Variants in MAGI2 observed in about 807,000 individuals in gnomAD.
The protein encoded by MAGI2 is membrane-associated guanylate kinase, WW and PDZ domain-containing protein 2.
Under a neutral mutation model 133.3 loss-of-function variants are expected in MAGI2, and 35 were observed. The ratio of observed to expected loss-of-function variants is 0.26; its 90% CI spans 0.20 to 0.35. The LOEUF (loss-of-function observed/expected upper bound fraction) is 0.35, where lower values mean the gene tolerates loss of function less well. Ranked by LOEUF, MAGI2 falls within the 10% of genes least tolerant of loss-of-function variation. The pLI is 1.00. For missense variants in MAGI2, 1,636 were observed against 1,863.4 expected (o/e 0.88, Z 2.25); for synonymous variants, 729 against 710.6 (o/e 1.03, Z -0.41).
intron 3 of MAGI2, among the ~76,000 whole-genome samples, chr7:78,544,236 G>A (rs1248146779): frequency 6.6e-6 from 1 of 152,224 alleles, no homozygotes; most frequent in Non-Finnish European, 1.5e-5. Context: ...GCTACAAAAT[G>A]AATTGGTGAT....
At chr7:78,850,992 T>G (rs1047824853) in intron 2 of MAGI2, among the ~76,000 whole-genome samples, 2 of 152,124 alleles carry the variant, frequency 1.3e-5, no homozygotes, top group African/African-American at 2.4e-5. Context: ...ATGTCTTTTT[T>G]GATTGTCTCA....
chr7:79,219,391 A>C (rs1830271646), intron 1 of MAGI2, among the ~76,000 whole-genome samples: 1 of 152,068 alleles, frequency 6.6e-6, no homozygotes. Flanking sequence ...GAGCTCATTT[A>C]AATGATCCCA....
At chr7:78,875,958 T>C (rs1795384521) in intron 2 of MAGI2, among the ~76,000 whole-genome samples, 1 of 152,160 alleles carries the variant, frequency 6.6e-6, no homozygotes, top group South Asian at 2.1e-4. Context: ...AGCTTGGTGA[T>C]GCATTAATAA....
intron 1 of MAGI2, among the ~76,000 whole-genome samples, chr7:79,007,915 A>T (rs938906701): frequency 6.6e-6 from 1 of 151,820 alleles, no homozygotes; most frequent in African/African-American, 2.4e-5. Context: ...TCCTTTTTTC[A>T]ATTCAAACAA....
chr7:78,511,039 T>C (rs1028219763), intron 4 of MAGI2, among the ~76,000 whole-genome samples: 2 of 152,174 alleles, frequency 1.3e-5, no homozygotes, highest in African/African-American at 2.4e-5. Context: ...AACCCAATAA[T>C]CCCATTAAAA....
intron 6 of MAGI2, among the ~76,000 whole-genome samples, chr7:78,459,068 G>T (rs543760208): frequency 6.6e-6 from 1 of 152,254 alleles, no homozygotes; most frequent in South Asian, 2.1e-4. Flanking sequence ...AAGTACATTT[G>T]CACTTTTTAA....
intron 1 of MAGI2, among the ~76,000 whole-genome samples, chr7:79,057,803 G>A (rs7809986): frequency 0.28 from 43,016 of 152,006 alleles, 8,336 homozygotes; most frequent in African/African-American, 0.56. Flanking sequence ...TAAAGTATGA[G>A]AAGGAGACAC....
intron 1 of MAGI2, among the ~76,000 whole-genome samples, chr7:79,116,570 C>A (rs2129544301): frequency 6.6e-6 from 1 of 152,254 alleles, no homozygotes; most frequent in African/African-American, 2.4e-5. Context: ...AGACTGTGCA[C>A]ACCTTCACCT....
intron 6 of MAGI2, among the ~76,000 whole-genome samples, chr7:78,380,051 A>G (rs1794780047): frequency 6.6e-6 from 1 of 151,940 alleles, no homozygotes; most frequent in African/African-American, 2.4e-5. Context: ...AAGAAATTTT[A>G]TAATATATAC....
intron 1 of MAGI2, among the ~76,000 whole-genome samples, chr7:79,288,589 T>C (rs1836212341): frequency 6.6e-6 from 1 of 152,130 alleles, no homozygotes; most frequent in African/African-American, 2.4e-5. Flanking sequence ...ATTCCTGGAA[T>C]CAGAATTGTA....
intron 6 of MAGI2, among the ~76,000 whole-genome samples, chr7:78,476,370 A>C: frequency 6.6e-6 from 1 of 151,998 alleles, no homozygotes; most frequent in East Asian, 1.9e-4. Context: ...AAAGTTGAAA[A>C]GATAATGCGG....
intron 2 of MAGI2, among the ~76,000 whole-genome samples, chr7:78,911,682 A>T (rs1433436077): frequency 5.0e-5 from 7 of 139,354 alleles, no homozygotes; most frequent in East Asian, 2.3e-4. Flanking sequence ...ATATATATAT[A>T]TTTTGTTATA....
intron 1 of MAGI2, among the ~76,000 whole-genome samples, chr7:79,027,479 G>T (rs552089030): frequency 6.6e-6 from 1 of 151,988 alleles, no homozygotes; most frequent in South Asian, 2.1e-4. Flanking sequence ...ACATGTTTTC[G>T]CTTGTATGTG....
intron 1 of MAGI2, among the ~76,000 whole-genome samples, chr7:79,308,493 T>C (rs1189623447): frequency 2.0e-5 from 3 of 152,182 alleles, no homozygotes; most frequent in Non-Finnish European, 4.4e-5. Flanking sequence ...AATACTAATT[T>C]GTCCAAGAAA....
chr7:79,188,160 G>A lies in MAGI2; in HGVS notation c.302-180954C>T, dbSNP rs555095723. Among the ~76,000 whole-genome samples the A allele has an allele frequency of 2.0e-5, 3 of 151,838 alleles. No homozygotes were observed. In the South Asian group the frequency reaches 6.2e-4, roughly 32 times the overall value. On this transcript the variant is annotated intron_variant, in intron 1 of 21. Coordinates refer to ENST00000354212, the MANE Select transcript of MAGI2 (RefSeq NM_012301.4). ...CTGGGGTACATACGCAGGATGTGCAGGTTTGTTACCTAGGTAAACATGTGC... is the reference window on the plus strand; with the variant it reads ...CTGGGGTACATACGCAGGATGTGCAAGTTTGTTACCTAGGTAAACATGTGC...
At chr7:78,395,279 A>G (rs1038089934) in intron 6 of MAGI2, among the ~76,000 whole-genome samples, 1 of 152,218 alleles carries the variant, frequency 6.6e-6, no homozygotes, top group South Asian at 2.1e-4. Context: ...AGAGAAATAG[A>G]CTGGAAAAAT....
chr7:78,327,694 A>G (rs1788725171), intron 9 of MAGI2, among the ~76,000 whole-genome samples: 1 of 152,212 alleles, frequency 6.6e-6, no homozygotes, highest in South Asian at 2.1e-4. Flanking sequence ...TCCCCTGATA[A>G]GGTTTGCTGA....
intron 5 of MAGI2, among the ~76,000 whole-genome samples, chr7:78,491,864 G>A (rs1042231954): frequency 3.0e-5 from 4 of 132,806 alleles, no homozygotes; most frequent in African/African-American, 1.2e-4. Context: ...ACATGCCTCC[G>A]TTCAAATTGT....
At chr7:78,435,998 G>T (rs2151442475) in intron 6 of MAGI2, among the ~76,000 whole-genome samples, 1 of 152,258 alleles carries the variant, frequency 6.6e-6, no homozygotes, top group Admixed American at 6.5e-5. Flanking sequence ...TTTGAACAAG[G>T]TCCTTCACAC....
Sources: gnomAD v4.1 joint callset for allele counts (sites outside exome capture counted in the v4.1 genomes callset) on GRCh38, gnomAD v4.1.1 for gene constraint, MANE v1.5 for transcripts, NCBI Gene and HGNC (gene_info 2026-07-23, HGNC 2026-07-21) for gene names.